BCL2: variants seen among roughly 807,000 people sequenced by gnomAD.
BCL2 encodes the protein BCL2 apoptosis regulator, also known as apoptosis regulator Bcl-2.
BCL2 carries 1 observed loss-of-function variant against 14.2 expected under a neutral mutation model. The ratio of observed to expected loss-of-function variants is 0.07; its 90% CI spans 0.02 to 0.33. BCL2 has a LOEUF of 0.33. Ranked by LOEUF, BCL2 falls within the 10% of genes least tolerant of loss-of-function variation. BCL2 has a pLI of 0.99. For missense variants in BCL2, 247 were observed against 305.9 expected (o/e 0.81, Z 1.44); for synonymous variants, 151 against 137.2 (o/e 1.10, Z -0.70).
At chr18:63,233,612 C>G (rs1017200171) in intron 2 of BCL2, among the ~76,000 whole-genome samples, 1 of 152,174 alleles carries the variant, frequency 6.6e-6, no homozygotes, top group Non-Finnish European at 1.5e-5. Flanking sequence ...AATGCCGTGG[C>G]TGATCTGACA....
In BCL2 at chr18:63,128,443, T is replaced by C. The variant is rs1913972261; in HGVS notation, c.*182A>G. 1 of 450,712 alleles carries C rather than the reference T, an allele frequency of 2.2e-6. No homozygotes were observed. The highest frequency in any genetic ancestry group is 2.0e-5 in the African/African-American group (1 of 50,384). 27.9% of individuals were successfully genotyped at this position (450,712 alleles called of 1,614,324 possible). ...GCAGTAAATAGCTGATTCGACGTTT[T>C]GCCTGAAGACTGTTAATTGTTGTGT... On this transcript the variant is annotated 3_prime_UTR_variant, in exon 3 of 3. Transcript: ENST00000333681.
At chr18:63,256,375 C>T (rs1408372018) in intron 2 of BCL2, among the ~76,000 whole-genome samples, 1 of 152,170 alleles carries the variant, frequency 6.6e-6, no homozygotes, top group South Asian at 2.1e-4. Flanking sequence ...CACCACCACA[C>T]CCAGCTAATT....
At chr18:63,138,567 T>C (rs1451143211) in intron 2 of BCL2, among the ~76,000 whole-genome samples, 1 of 152,218 alleles carries the variant, frequency 6.6e-6, no homozygotes, top group Non-Finnish European at 1.5e-5. Context: ...CACGGGAGCG[T>C]GAGAAGCACA....
intron 2 of BCL2, among the ~76,000 whole-genome samples, chr18:63,273,962 C>T (rs1912076045): frequency 6.6e-6 from 1 of 152,184 alleles, no homozygotes; most frequent in Non-Finnish European, 1.5e-5. Flanking sequence ...AACACATATT[C>T]CTCAAAAAGG....
At chr18:63,234,607 C>T (rs1256266816) in intron 2 of BCL2, among the ~76,000 whole-genome samples, 1 of 152,148 alleles carries the variant, frequency 6.6e-6, no homozygotes, top group Non-Finnish European at 1.5e-5. Context: ...AATCAGTGAA[C>T]CTCTCTGGGC....
At chr18:63,257,222 G>A (rs1169998897) in intron 2 of BCL2, among the ~76,000 whole-genome samples, 3 of 152,128 alleles carry the variant, frequency 2.0e-5, no homozygotes, top group Non-Finnish European at 4.4e-5. Context: ...CTTACCTGTT[G>A]CTAAAAACTC....
chr18:63,131,709 A>C (rs1250778520), intron 2 of BCL2, among the ~76,000 whole-genome samples: 1 of 152,244 alleles, frequency 6.6e-6, no homozygotes, highest in Non-Finnish European at 1.5e-5. Flanking sequence ...CTTGACATTG[A>C]GAAGGTCAGT....
intron 2 of BCL2, among the ~76,000 whole-genome samples, chr18:63,152,037 C>A (rs762919006): frequency 6.6e-6 from 1 of 152,114 alleles, no homozygotes; most frequent in Non-Finnish European, 1.5e-5. Flanking sequence ...CAGAGAAATG[C>A]CCTCAGAACT....
chr18:63,162,264 A>G (rs1476054956), intron 2 of BCL2, among the ~76,000 whole-genome samples: 2 of 152,164 alleles, frequency 1.3e-5, no homozygotes, highest in Non-Finnish European at 2.9e-5. Flanking sequence ...ACCCATATAA[A>G]CAAAAAACTG....
At position 63,146,010 on chromosome 18, in the gene BCL2, G is replaced by A. The variant is rs1220451711; in HGVS notation, c.586-17251C>T. Among the ~76,000 whole-genome samples the A allele has an allele frequency of 3.3e-5, 5 of 151,976 alleles. No individual in the cohort carries two copies. The South Asian group carries it at 8.3e-4, about 25-fold the overall frequency. ...TCACTATAACCCAGACAGGACTCCC[G>A]TCCTATCTCCCAAATCCCTTTTCCC... On this transcript the variant is annotated intron_variant, in intron 2 of 2. Coordinates refer to ENST00000333681, the MANE Select transcript of BCL2 (RefSeq NM_000633.3).
At chr18:63,267,526 G>A (rs1451614713) in intron 2 of BCL2, among the ~76,000 whole-genome samples, 2 of 152,152 alleles carry the variant, frequency 1.3e-5, no homozygotes, top group Non-Finnish European at 2.9e-5. Flanking sequence ...GGACTGTGAT[G>A]CAACTCACTG....
In BCL2 at chr18:63,228,424, AC is replaced by A. The variant is rs1040362108; in HGVS notation, c.585+89657del. Among the ~76,000 whole-genome samples, 6 of 151,896 alleles carry A rather than the reference AC, an allele frequency of 4.0e-5. No individual in the cohort carries two copies. The South Asian group carries it at 1.2e-3, about 31-fold the overall frequency. On this transcript the variant is annotated intron_variant, in intron 2 of 2. Coordinates refer to ENST00000333681, the MANE Select transcript of BCL2 (RefSeq NM_000633.3). ...ATGATATAGAACAGCATAACTTTAT[AC>A]CCCCCAGCATAACTTTATCTACCTC...
At chr18:63,128,968 C>T (rs1343749075) in intron 2 of BCL2, among the ~76,000 whole-genome samples, 4 of 152,204 alleles carry the variant, frequency 2.6e-5, no homozygotes, top group South Asian at 2.1e-4. Flanking sequence ...ACCCTCTTTA[C>T]GTGCCAGCCA....
At chr18:63,235,270 C>T (rs569828514) in intron 2 of BCL2, among the ~76,000 whole-genome samples, 3 of 152,308 alleles carry the variant, frequency 2.0e-5, no homozygotes, top group South Asian at 2.1e-4. Context: ...CCAGGGAAGA[C>T]GATGTGCTAA....
intron 2 of BCL2, among the ~76,000 whole-genome samples, chr18:63,306,389 G>T (rs1265032468): frequency 6.6e-6 from 1 of 152,138 alleles, no homozygotes; most frequent in Non-Finnish European, 1.5e-5. Context: ...TCTCATTAAC[G>T]GTCTGGAGTG....
intron 2 of BCL2, among the ~76,000 whole-genome samples, chr18:63,243,386 G>A (rs920610287): frequency 6.6e-6 from 1 of 152,144 alleles, no homozygotes; most frequent in African/African-American, 2.4e-5. Flanking sequence ...GGAGGAGGGA[G>A]AGGATCAGGA....
At chr18:63,139,446 T>C (rs901293522) in intron 2 of BCL2, among the ~76,000 whole-genome samples, 1 of 152,242 alleles carries the variant, frequency 6.6e-6, no homozygotes, top group Non-Finnish European at 1.5e-5. Flanking sequence ...GCTGAGTATT[T>C]AGCTTAAAGC....
rs115518715 is a variant in BCL2 at position 63,132,979 on chromosome 18, C to T, written c.586-4220G>A. 4.1e-3 allele frequency among the ~76,000 whole-genome samples: 621 copies of T among 152,328 alleles called. 1 individual carries two copies. The highest frequency in any genetic ancestry group is 0.014 in the African/African-American group (593 of 41,564). On this transcript the variant is annotated intron_variant, in intron 2 of 2. Coordinates refer to ENST00000333681, the MANE Select transcript of BCL2 (RefSeq NM_000633.3). The stretch of plus-strand genomic sequence containing the variant: ...CGACTTCACGGATCACAGGTTCACA[C>T]GGAAAGGCTGGCACCGGCTCCTCCT...
intron 2 of BCL2, among the ~76,000 whole-genome samples, chr18:63,189,977 G>T (rs1048753428): frequency 6.6e-6 from 1 of 152,144 alleles, no homozygotes; most frequent in Non-Finnish European, 1.5e-5. Flanking sequence ...AGATTAAATA[G>T]AATGTTGAAC....
Sources: allele counts gnomAD v4.1 joint callset (sites outside exome capture counted in the v4.1 genomes callset), GRCh38; gene constraint gnomAD v4.1.1; transcripts MANE v1.5; gene names NCBI Gene and HGNC (gene_info 2026-07-23, HGNC 2026-07-21).